Variants in TMEM132D observed in about 807,000 individuals in gnomAD.
The protein encoded by TMEM132D is transmembrane protein 132D, also known as mature OL transmembrane protein.
In TMEM132D, 21 loss-of-function variants were observed where a neutral mutation model predicts 62.3. The ratio of observed to expected loss-of-function variants is 0.34; its 90% CI spans 0.24 to 0.49. The LOEUF (loss-of-function observed/expected upper bound fraction) is 0.49, where lower values mean the gene tolerates loss of function less well. Among genes scored for constraint, TMEM132D ranks in the 20% least tolerant of loss-of-function variants. The pLI, the probability that TMEM132D is intolerant of heterozygous loss-of-function variation, is 0.99. For synonymous variants in TMEM132D, 621 were observed against 575.6 expected, an observed-to-expected ratio of 1.08 and a Z score of -1.13; for missense variants, 1,346 against 1,402.8, an observed-to-expected ratio of 0.96 and a Z score of 0.65.
At chr12:129,300,468 T>TA (rs1881686965) in intron 4 of TMEM132D, among the ~76,000 whole-genome samples, 2 of 152,080 alleles carry the variant, frequency 1.3e-5, no homozygotes, top group Non-Finnish European at 2.9e-5. Flanking sequence ...CCTGTTAAGG[T>TA]TTTTGCTATG....
Position 129,822,676 on chromosome 12 carries a change from C to T in TMEM132D, c.79+80585G>A, listed in dbSNP as rs557064967. Among the ~76,000 whole-genome samples the T allele has an allele frequency of 1.7e-4, 26 of 152,272 alleles. 1 individual carries two copies. The South Asian group carries it at 4.6e-3, about 27-fold the overall frequency. On this transcript the variant is annotated intron_variant, in intron 1 of 8. Transcript: ENST00000422113. The stretch of plus-strand genomic sequence containing the variant: ...TGCCAAGCCTCAGGAAACCTACAAG[C>T]GTGGCGGAAGGCACCTTCTCACAGG...
chr12:129,847,351 T>C (rs930162954), intron 1 of TMEM132D, among the ~76,000 whole-genome samples: 3 of 152,182 alleles, frequency 2.0e-5, no homozygotes, highest in Non-Finnish European at 4.4e-5. Context: ...TTGTCTGCTG[T>C]GATTAATTGG....
At chr12:129,459,880 C>T (rs920549159) in intron 3 of TMEM132D, among the ~76,000 whole-genome samples, 4 of 152,040 alleles carry the variant, frequency 2.6e-5, no homozygotes, top group East Asian at 1.9e-4. Context: ...AGAAAACATC[C>T]GATTAGGATT....
intron 2 of TMEM132D, among the ~76,000 whole-genome samples, chr12:129,688,995 C>T (rs141469609): frequency 1.3e-5 from 2 of 152,176 alleles, no homozygotes; most frequent in Admixed American, 6.5e-5. Context: ...ATTTTTCAGT[C>T]GTCAAATGGG....
intron 3 of TMEM132D, among the ~76,000 whole-genome samples, chr12:129,401,606 G>A (rs1426020828): frequency 6.6e-6 from 1 of 152,034 alleles, no homozygotes; most frequent in Non-Finnish European, 1.5e-5. Flanking sequence ...GTGTGGTTTA[G>A]GTACATCAAC....
intron 2 of TMEM132D, among the ~76,000 whole-genome samples, chr12:129,556,691 G>C (rs1419601971): frequency 6.6e-6 from 1 of 152,084 alleles, no homozygotes; most frequent in African/African-American, 2.4e-5. Context: ...TGTCCAAAAC[G>C]ATAGCCCCTG....
chr12:129,487,036 G>C (rs545805011), intron 3 of TMEM132D, among the ~76,000 whole-genome samples: 13 of 152,078 alleles, frequency 8.5e-5, no homozygotes, highest in Admixed American at 1.3e-4. Flanking sequence ...GCGTATGGGG[G>C]GGGGGGTTGT....
chr12:129,667,205 T>C (rs1880398097), intron 2 of TMEM132D, among the ~76,000 whole-genome samples: 1 of 152,176 alleles, frequency 6.6e-6, no homozygotes, highest in Non-Finnish European at 1.5e-5. Flanking sequence ...TATGAAAATC[T>C]TACCTTACGG....
chr12:129,803,575 C>A (rs910217876), intron 1 of TMEM132D, among the ~76,000 whole-genome samples: 2 of 149,716 alleles, frequency 1.3e-5, no homozygotes, highest in African/African-American at 4.9e-5. Flanking sequence ...TAAATGCCCA[C>A]AAGAGAAAGC....
At chr12:129,141,496 A>G (rs1042009153) in intron 5 of TMEM132D, among the ~76,000 whole-genome samples, 2 of 152,194 alleles carry the variant, frequency 1.3e-5, no homozygotes, top group Admixed American at 1.3e-4. Flanking sequence ...GATGATGAGC[A>G]GTGCTTTATT....
At chr12:129,219,530 C>T (rs1459308747) in intron 4 of TMEM132D, among the ~76,000 whole-genome samples, 1 of 152,186 alleles carries the variant, frequency 6.6e-6, no homozygotes, top group Non-Finnish European at 1.5e-5. Context: ...ACAGCAGCTC[C>T]AGAAATGGAC....
At chr12:129,777,480 G>A (rs1254076025) in intron 1 of TMEM132D, among the ~76,000 whole-genome samples, 12 of 152,152 alleles carry the variant, frequency 7.9e-5, no homozygotes, top group Admixed American at 2.6e-4. Flanking sequence ...GTACCAGAAC[G>A]GCCACCCAGC....
At chr12:129,395,813 T>A (rs914601850) in intron 3 of TMEM132D, among the ~76,000 whole-genome samples, 1 of 93,594 alleles carries the variant, frequency 1.1e-5, no homozygotes, top group Admixed American at 1.0e-4. Context: ...TATAGATATA[T>A]CTATAACATA....
intron 3 of TMEM132D, among the ~76,000 whole-genome samples, chr12:129,426,730 T>C (rs1294812144): frequency 6.6e-6 from 1 of 152,190 alleles, no homozygotes; most frequent in East Asian, 1.9e-4. Context: ...TACATTTAAA[T>C]CCCACAACAA....
intron 1 of TMEM132D, among the ~76,000 whole-genome samples, chr12:129,734,634 T>C (rs1869360636): frequency 6.6e-6 from 1 of 152,176 alleles, no homozygotes; most frequent in Admixed American, 6.6e-5. Flanking sequence ...GTTGGACACA[T>C]TGATTATAAT....
rs563065586 is a variant in TMEM132D at position 129,792,765 on chromosome 12, AC to A, written c.80-92068del. Among the ~76,000 whole-genome samples, 373 of 152,330 alleles carry A rather than the reference AC, an allele frequency of 2.4e-3. 2 individuals are homozygous for A. Among genetic ancestry groups the A allele is most frequent in the African/African-American group, 8.4e-3 (349 of 41,560 alleles). On this transcript the variant is annotated intron_variant, in intron 1 of 8. Transcript: ENST00000422113. ...TTTAAGAAGTAAGTTTAAGGTGAAG[AC>A]TAAAAATTGAACAGACATTATCGAA... is the stretch of plus-strand genomic sequence containing the variant.
chr12:129,648,439 G>A (rs545817352), intron 2 of TMEM132D, among the ~76,000 whole-genome samples: 1 of 152,182 alleles, frequency 6.6e-6, no homozygotes, highest in East Asian at 1.9e-4. Flanking sequence ...ATAAAACTCC[G>A]GTATCCTGTT....
In TMEM132D at chr12:129,298,405, T is replaced by C. The variant is rs539855573; in HGVS notation, c.1299+39229A>G. ...TTTGATACATATATATGTTGTATAATGGTCAAACCAGAGTGTTTAAGCATA... is the reference window on the plus strand; with the variant it reads ...TTTGATACATATATATGTTGTATAACGGTCAAACCAGAGTGTTTAAGCATA... On this transcript the variant is annotated intron_variant, in intron 4 of 8. Coordinates refer to ENST00000422113, the MANE Select transcript of TMEM132D (RefSeq NM_133448.3). 3.3e-5 allele frequency among the ~76,000 whole-genome samples: 5 copies of C among 152,342 alleles called. No homozygotes were observed. In the East Asian group the frequency reaches 9.6e-4, roughly 29 times the overall value.
At chr12:129,670,675 C>T (rs1880481957) in intron 2 of TMEM132D, among the ~76,000 whole-genome samples, 1 of 152,206 alleles carries the variant, frequency 6.6e-6, no homozygotes, top group Admixed American at 6.5e-5. Context: ...CCACAGCAGG[C>T]TCTGTGTGAA....
Sources: gnomAD v4.1 joint callset for allele counts (sites outside exome capture counted in the v4.1 genomes callset) on GRCh38, gnomAD v4.1.1 for gene constraint, MANE v1.5 for transcripts, NCBI Gene and HGNC (gene_info 2026-07-23, HGNC 2026-07-21) for gene names.